SAXO1: variants seen among roughly 807,000 people sequenced by gnomAD.
SAXO1 encodes the protein 4930500O09Rik.
Under a neutral mutation model 17.5 loss-of-function variants are expected in SAXO1, and 21 were observed. The observed-to-expected ratio is 1.20, with a 90% CI of 0.85 to 1.72. The LOEUF (loss-of-function observed/expected upper bound fraction) is 1.72. SAXO1 is among the 40% of genes most tolerant of loss of function. SAXO1 has a pLI of 0.00. For missense variants in SAXO1, 843 were observed against 596.0 expected, an observed-to-expected ratio of 1.41 and a Z score of -4.32; for synonymous variants, 274 against 216.5, an observed-to-expected ratio of 1.27 and a Z score of -2.33.
intron 1 of SAXO1, among the ~76,000 whole-genome samples, chr9:18,959,308 A>G (rs543834328): frequency 2.9e-4 from 44 of 152,330 alleles, no homozygotes; most frequent in African/African-American, 1.0e-3. Flanking sequence ...ACTCTGATGA[A>G]CAAAAATAAT....
rs750852990 is a variant in SAXO1, at chr9:18,928,961, T to C, written c.516A>G (p.Thr172=). 6.2e-7 allele frequency: 1 copy of C among 1,614,216 alleles called. No individual in the cohort carries two copies. The highest frequency in any genetic ancestry group is 8.5e-7 in the Non-Finnish European group (1 of 1,180,032). ...CTTTTATGGGGTAATCGTCCTGGTG[T>C]GTGGTTCTGTTATCAAACCTGACTG... ...PASVRFDNRT[T]HQDDYPIKGL... is the part of the protein sequence containing the mutation. The change falls in exon 4 of 4, where the codon ACA becomes ACG. Residue 172 remains threonine (T), a synonymous_variant. Coordinates refer to ENST00000380534, the MANE Select transcript of SAXO1 (RefSeq NM_153707.4).
Position 18,941,746 on chromosome 9 carries a change from C to G in SAXO1, c.312G>C (p.Thr104=), listed in dbSNP as rs112030642. ...GGTAGGGATTGTAATCTTTCTTATA[C>G]GTCGTGAGCAAATCCATATTCTCTT... is the stretch of plus-strand genomic sequence containing the variant. The part of the protein sequence containing the change: ...PSEENMDLLT[T]YKKDYNPYPV... Residue 104 remains threonine, a synonymous_variant, in exon 3 of 4, where the codon ACG becomes ACC. Transcript: ENST00000380534. 6.2e-7 allele frequency: 1 copy of G among 1,614,146 alleles called. No individual in the cohort carries two copies. The highest frequency in any genetic ancestry group is 8.5e-7 in the Non-Finnish European group (1 of 1,180,030).
rs143031646 is a variant in SAXO1 at position 18,968,669 on chromosome 9, C to T, written c.39-17732G>A. 4.0e-5 allele frequency among the ~76,000 whole-genome samples: 6 copies of T among 151,562 alleles called. No individual in the cohort carries two copies. In the South Asian group the frequency reaches 1.0e-3, roughly 26 times the overall value. On this transcript the variant is annotated intron_variant, in intron 1 of 3. Coordinates refer to ENST00000380534, the MANE Select transcript of SAXO1 (RefSeq NM_153707.4). ...AATGCAGTGGTATGATCGCAGCTCA[C>T]TGCAACCTCCGCCTCTCAGGTTCAA...
At chr9:19,019,913 A>G (rs1231227491) in intron 1 of SAXO1, among the ~76,000 whole-genome samples, 1 of 152,054 alleles carries the variant, frequency 6.6e-6, no homozygotes, top group Non-Finnish European at 1.5e-5. Flanking sequence ...ACAGCATTCA[A>G]ATACTACGTT....
At chr9:19,034,356 CTA>C (rs34385445), upstream of SAXO1, among the ~76,000 whole-genome samples, 22,985 of 151,962 alleles carry the variant, frequency 0.15, 2,442 homozygotes, top group African/African-American at 0.31. Flanking sequence ...CCACTTGACT[CTA>C]TCTGGCCATT....
rs555259864 is a variant in SAXO1, at chr9:18,963,078, T to C, written c.39-12141A>G. On this transcript the variant is annotated intron_variant, in intron 1 of 3. Coordinates refer to ENST00000380534, the MANE Select transcript of SAXO1 (RefSeq NM_153707.4). ...GGAATCCTTCCTCCATTGATTGTTT[T>C]TGTCAGATTTATCAAAGATCAGATG... is the stretch of plus-strand genomic sequence containing the variant. Among the ~76,000 whole-genome samples, 177 of 152,372 alleles carry C rather than the reference T, an allele frequency of 1.2e-3. 1 individual carries two copies. The highest frequency in any genetic ancestry group is 4.1e-3 in the African/African-American group (170 of 41,588).
Position 18,928,328 on chromosome 9 carries a change from A to G in SAXO1, c.1149T>C (p.Pro383=), listed in dbSNP as rs1401705584. 2 of 1,613,256 alleles carry G rather than the reference A, an allele frequency of 1.2e-6. No individual in the cohort carries two copies. Among genetic ancestry groups the G allele is most frequent in the Admixed American group, 3.3e-5 (2 of 59,952 alleles). ...GAGGCTTACAGCTTTTGGTATTGAT[A>G]GGCAGGTGGGGCACATAGTGGGCCC... The part of the protein sequence containing the change: ...TTRAHYVPHL[P]INTKSCKPHW... Residue 383 remains proline (P), a synonymous_variant, in exon 4 of 4, where the codon CCT becomes CCC. Coordinates refer to ENST00000380534, the MANE Select transcript of SAXO1 (RefSeq NM_153707.4).
chr9:19,027,872 G>A (rs908882270), intron 1 of SAXO1: 34 of 1,366,700 alleles, frequency 2.5e-5, no homozygotes, highest in African/African-American at 8.5e-5. Flanking sequence ...ACGCTAGGGC[G>A]GCCTGGACCG....
chr9:19,025,074 C>G (rs1835417307), intron 1 of SAXO1, among the ~76,000 whole-genome samples: 2 of 152,072 alleles, frequency 1.3e-5, no homozygotes, highest in South Asian at 4.1e-4. Flanking sequence ...TATTTATGAA[C>G]AATTAAACAT....
At chr9:19,033,383 A>T (rs1436872602), upstream of SAXO1, 1 of 158,136 alleles carries the variant, frequency 6.3e-6, no homozygotes, top group East Asian at 1.8e-4. Flanking sequence ...ACCTTGGAAA[A>T]ACCTGAAAAA....
chr9:19,032,884 G>A lies in SAXO1; in HGVS notation c.25C>T (p.Leu9=), dbSNP rs768815747. 5.0e-6 allele frequency: 8 copies of A among 1,610,776 alleles called. No homozygotes were observed. In the East Asian group the frequency reaches 1.3e-4, roughly 27 times the overall value. ...TGGCCACCTTACCCGCAGGAGCACA[G>A]TTCACAGATGCACTTCGTCTTCATA... MKTKCICE[L]CSCGRHHCPH... is the part of the protein sequence containing the mutation. The change falls in exon 1 of 4, where the codon CTG becomes TTG. Residue 9 remains leucine, a synonymous_variant. Coordinates refer to ENST00000380534, the MANE Select transcript of SAXO1 (RefSeq NM_153707.4).
chr9:18,964,910 T>C (rs913660824), intron 1 of SAXO1, among the ~76,000 whole-genome samples: 3 of 152,254 alleles, frequency 2.0e-5, no homozygotes, highest in African/African-American at 7.2e-5. Context: ...TAAATTTCCC[T>C]CTACACACTG....
At chr9:18,994,669 C>T (rs1311649296) in intron 1 of SAXO1, among the ~76,000 whole-genome samples, 8 of 152,328 alleles carry the variant, frequency 5.3e-5, no homozygotes, top group African/African-American at 1.9e-4. Flanking sequence ...GCACTCTGCT[C>T]GGGTAAGCAG....
intron 3 of SAXO1, among the ~76,000 whole-genome samples, chr9:18,935,719 T>C (rs1200346557): frequency 6.6e-6 from 1 of 152,224 alleles, no homozygotes; most frequent in African/African-American, 2.4e-5. Context: ...TGCTGGTCTG[T>C]TGCTTGCCAC....
intron 1 of SAXO1, among the ~76,000 whole-genome samples, chr9:18,962,778 C>G (rs1832540562): frequency 6.6e-6 from 1 of 152,188 alleles, no homozygotes; most frequent in Non-Finnish European, 1.5e-5. Context: ...ATGATAGTTT[C>G]TTTTGCTGTG....
In SAXO1 at chr9:18,928,375, G is replaced by C. The variant is rs149063055; in HGVS notation, c.1102C>G (p.Leu368Val). Residue 368 changes from leucine to valine, a missense_variant, in exon 4 of 4, where the codon CTG becomes GTG. Coordinates refer to ENST00000380534, the MANE Select transcript of SAXO1 (RefSeq NM_153707.4). ...VPQLDLPTEP[L>V]DCLTTTRAHY... ...GCCCGAGTGGTGGTCAGGCAGTCCA[G>C]GGGCTCGGTGGGCAAGTCCAGCTGG... The C allele has an allele frequency of 2.9e-5, 47 of 1,612,494 alleles. No homozygotes were observed. The African/African-American group carries it at 6.1e-4, about 21-fold the overall frequency.
At chr9:18,972,633 C>G (rs1306937498) in intron 1 of SAXO1, among the ~76,000 whole-genome samples, 2 of 152,162 alleles carry the variant, frequency 1.3e-5, no homozygotes, top group African/African-American at 2.4e-5. Context: ...CTCATAGAAC[C>G]AGATCAGCCA....
At chr9:19,021,329 C>T (rs1271498627) in intron 1 of SAXO1, among the ~76,000 whole-genome samples, 3 of 152,152 alleles carry the variant, frequency 2.0e-5, no homozygotes, top group Admixed American at 6.5e-5. Context: ...GATCAGACAC[C>T]GCAAGAGCCA....
intron 1 of SAXO1, 22 bp from the exon 2 acceptor site, chr9:18,950,959 G>A: frequency 1.3e-6 from 2 of 1,593,900 alleles, no homozygotes; most frequent in Non-Finnish European, 1.7e-6. Flanking sequence ...ACAGAGTTAG[G>A]TTGATTACCT....
Sources: gnomAD v4.1 joint callset for allele counts (sites outside exome capture counted in the v4.1 genomes callset) on GRCh38, gnomAD v4.1.1 for gene constraint, MANE v1.5 for transcripts, NCBI Gene and HGNC (gene_info 2026-07-23, HGNC 2026-07-21) for gene names.